The following HDAC9 variants were observed in gnomAD, a reference collection of about 807,000 sequenced individuals.
HDAC9 encodes MEF-2 interacting transcription repressor (MITR) protein.
A neutral mutation model predicts 139.4 loss-of-function variants in HDAC9; 41 were observed. The observed-to-expected ratio is 0.29, with a 90% confidence interval of 0.23 to 0.38. HDAC9 has a LOEUF of 0.38. Among genes scored for constraint, HDAC9 ranks in the 10% least tolerant of loss-of-function variants. The pLI, the probability that HDAC9 is intolerant of heterozygous loss-of-function variation, is 1.00. For synonymous variants in HDAC9, 517 were observed against 476.2 expected (o/e 1.09, Z -1.12); for missense variants, 1,147 against 1,297.0 (o/e 0.88, Z 1.78).
At chr7:18,947,101 T>G (rs1308559413) in intron 23 of HDAC9, among the ~76,000 whole-genome samples, 1 of 151,980 alleles carries the variant, frequency 6.6e-6, no homozygotes, top group Non-Finnish European at 1.5e-5. Context: ...ATATAACATG[T>G]GAAAACTTGT....
chr7:18,223,364 G>T (rs1792833153), intron 2 of HDAC9, among the ~76,000 whole-genome samples: 1 of 149,322 alleles, frequency 6.7e-6, no homozygotes, highest in Admixed American at 6.7e-5. Context: ...GCTTTTGTTT[G>T]CATGCTAAGA....
At chr7:18,566,732 T>C (rs779157186) in intron 2 of HDAC9, among the ~76,000 whole-genome samples, 8 of 152,208 alleles carry the variant, frequency 5.3e-5, no homozygotes, top group Non-Finnish European at 1.0e-4. Context: ...TAGCAAGCAA[T>C]TGAGAGTAGA....
intron 21 of HDAC9, among the ~76,000 whole-genome samples, chr7:18,850,207 C>T (rs117886925): frequency 1.3e-4 from 20 of 151,566 alleles, no homozygotes; most frequent in Admixed American, 5.9e-4. Context: ...TTCACAAAAA[C>T]GAGAGAGAGA....
intron 11 of HDAC9, among the ~76,000 whole-genome samples, chr7:18,651,533 G>T (rs1424217051): frequency 6.6e-6 from 1 of 152,208 alleles, no homozygotes; most frequent in East Asian, 1.9e-4. Context: ...GTAGTAATGT[G>T]TTTGAATTAC....
At chr7:18,522,047 A>G (rs1805222282) in intron 2 of HDAC9, among the ~76,000 whole-genome samples, 1 of 152,192 alleles carries the variant, frequency 6.6e-6, no homozygotes, top group Non-Finnish European at 1.5e-5. Flanking sequence ...ACAACTACAT[A>G]TATACAGAAG....
At chr7:18,329,655 G>A (rs1800756026) in intron 1 of HDAC9, among the ~76,000 whole-genome samples, 1 of 151,692 alleles carries the variant, frequency 6.6e-6, no homozygotes, top group African/African-American at 2.4e-5. Flanking sequence ...AAAGTGATGT[G>A]CCTGTCAGGG....
At chr7:18,804,366 C>T (rs150710277) in intron 17 of HDAC9, among the ~76,000 whole-genome samples, 36 of 152,268 alleles carry the variant, frequency 2.4e-4, no homozygotes, top group African/African-American at 8.4e-4. Context: ...TGCATGTACA[C>T]GTCCACCCTC....
intron 2 of HDAC9, among the ~76,000 whole-genome samples, chr7:18,167,998 A>C (rs1236879463): frequency 1.3e-5 from 2 of 152,230 alleles, no homozygotes; most frequent in Non-Finnish European, 2.9e-5. Flanking sequence ...CATTAAAATC[A>C]GGGCAGATCA....
intron 2 of HDAC9, among the ~76,000 whole-genome samples, chr7:18,569,622 T>C (rs1563317038): frequency 3.3e-5 from 5 of 152,194 alleles, no homozygotes. Context: ...CTGCCAGAAA[T>C]AGAAATTCTA....
At chr7:18,270,406 AT>A (rs1239399659) in intron 2 of HDAC9, among the ~76,000 whole-genome samples, 1 of 152,178 alleles carries the variant, frequency 6.6e-6, no homozygotes, top group Admixed American at 6.6e-5. Flanking sequence ...AAAAAGTTCA[AT>A]GCTACATTAC....
intron 12 of HDAC9, among the ~76,000 whole-genome samples, chr7:18,677,631 A>G (rs1292107864): frequency 6.6e-6 from 1 of 151,900 alleles, no homozygotes; most frequent in Non-Finnish European, 1.5e-5. Flanking sequence ...GTTCTTGTTT[A>G]CACTTGATAT....
At chr7:18,644,637 G>T in intron 8 of HDAC9, 34 bp from the exon 9 acceptor site, 1 of 1,580,676 alleles carries the variant, frequency 6.3e-7, no homozygotes, top group Non-Finnish European at 8.6e-7. Context: ...TTGTGATACT[G>T]TGGTATTTTG....
At chr7:18,584,335 G>A (rs182301411) in intron 2 of HDAC9, among the ~76,000 whole-genome samples, 2 of 151,650 alleles carry the variant, frequency 1.3e-5, no homozygotes, top group African/African-American at 4.8e-5. Context: ...TCACCGTGTT[G>A]GCCAGGATGG....
intron 22 of HDAC9, among the ~76,000 whole-genome samples, chr7:18,908,545 C>G (rs945050081): frequency 2.6e-5 from 4 of 152,072 alleles, no homozygotes; most frequent in African/African-American, 9.7e-5. Flanking sequence ...ATTTCTCCCT[C>G]TCTCCACTCA....
intron 2 of HDAC9, among the ~76,000 whole-genome samples, chr7:18,238,061 A>C (rs1278292186): frequency 6.6e-6 from 1 of 152,212 alleles, no homozygotes. Flanking sequence ...TCAGTGAACC[A>C]ATTAGAACAG....
chr7:18,666,076 C>T, intron 11 of HDAC9, 137 bp from the exon 12 acceptor site: 2 of 909,756 alleles, frequency 2.2e-6, no homozygotes, highest in South Asian at 3.7e-5. Flanking sequence ...AAACTTGTTG[C>T]CTACAAGTTC....
intron 1 of HDAC9, among the ~76,000 whole-genome samples, chr7:18,471,693 T>C (rs1213669871): frequency 6.6e-6 from 1 of 152,204 alleles, no homozygotes; most frequent in Non-Finnish European, 1.5e-5. Flanking sequence ...CTGTTCTGTG[T>C]GCCAGTTTTT....
intron 2 of HDAC9, among the ~76,000 whole-genome samples, chr7:18,223,867 G>A (rs986807664): frequency 2.0e-4 from 30 of 151,806 alleles, no homozygotes; most frequent in Admixed American, 6.6e-5. Flanking sequence ...AACTTCTCTC[G>A]ACTATTCACA....
chr7:18,318,015 A>G (rs770311108), intron 1 of HDAC9, among the ~76,000 whole-genome samples: 6 of 152,192 alleles, frequency 3.9e-5, no homozygotes, highest in Non-Finnish European at 1.5e-5. Flanking sequence ...GGTTGCCTGT[A>G]GGAGCTCTGA....
Sources: allele counts gnomAD v4.1 joint callset (sites outside exome capture counted in the v4.1 genomes callset), GRCh38; gene constraint gnomAD v4.1.1; transcripts MANE v1.5; gene names NCBI Gene and HGNC (gene_info 2026-07-23, HGNC 2026-07-21).